Variants in EXOC2 observed in about 807,000 individuals in gnomAD.
The protein encoded by EXOC2 is exocyst complex component 2.
Under a neutral mutation model 131.8 loss-of-function variants are expected in EXOC2, and 70 were observed. The observed-to-expected ratio is 0.53, with a 90% CI of 0.44 to 0.65. The LOEUF (loss-of-function observed/expected upper bound fraction) is 0.65, where lower values mean the gene tolerates loss of function less well. Among genes scored for constraint, EXOC2 ranks in the 30% least tolerant of loss-of-function variants. The pLI, the probability that EXOC2 is intolerant of heterozygous loss-of-function variation, is 0.00. For synonymous variants in EXOC2, 411 were observed against 398.4 expected (o/e 1.03, Z -0.38); for missense variants, 923 against 1,108.6 (o/e 0.83, Z 2.38).
At chr6:646,521 G>C (rs1762585908) in intron 1 of EXOC2, among the ~76,000 whole-genome samples, 1 of 152,000 alleles carries the variant, frequency 6.6e-6, no homozygotes, top group Admixed American at 6.5e-5. Flanking sequence ...ATAATGCTTT[G>C]GTAATATTTT....
At chr6:573,905 A>C (rs1195840254) in intron 12 of EXOC2, among the ~76,000 whole-genome samples, 1 of 152,148 alleles carries the variant, frequency 6.6e-6, no homozygotes. Flanking sequence ...ATACACAAGC[A>C]AGTATAAATG....
rs181661309 is a variant in EXOC2 at position 654,599 on chromosome 6, A to G, written c.-43-16738T>C. ...AGGATTGCTTGAGGACAGAAGTTCA[A>G]AACCAGCCTGGTCAACATAGTGAGA... On this transcript the variant is annotated intron_variant, in intron 1 of 27. Transcript: ENST00000230449. Among the ~76,000 whole-genome samples the G allele has an allele frequency of 2.1e-4, 32 of 151,932 alleles. No homozygotes were observed. In the East Asian group the frequency reaches 5.8e-3, roughly 28 times the overall value.
intron 6 of EXOC2, among the ~76,000 whole-genome samples, chr6:616,664 T>C (rs1379963759): frequency 6.7e-6 from 1 of 150,224 alleles, no homozygotes; most frequent in Non-Finnish European, 1.5e-5. Context: ...TCACATACAC[T>C]GCATCACATA....
chr6:546,385 T>C (rs568240920), intron 22 of EXOC2, among the ~76,000 whole-genome samples: 6 of 152,312 alleles, frequency 3.9e-5, no homozygotes, highest in Admixed American at 3.9e-4. Context: ...TAGAAGAAGA[T>C]GATTTGGATA....
At position 632,934 on chromosome 6, in the gene EXOC2, A is replaced by G; in HGVS notation, c.295+7T>C. On this transcript the variant is annotated splice_region_variant and intron_variant, in intron 3 of 27. Coordinates refer to ENST00000230449, the MANE Select transcript of EXOC2 (RefSeq NM_018303.6). The stretch of plus-strand genomic sequence containing the variant: ...CTTCTTTAGAATAAACCCATGAAAG[A>G]CTTTACCTATTTTCTCAGGTTTGAG... 1 of 1,603,484 alleles carries G rather than the reference A, an allele frequency of 6.2e-7. No individual in the cohort carries two copies. Among genetic ancestry groups the G allele is most frequent in the Non-Finnish European group, 8.5e-7 (1 of 1,174,816 alleles).
In EXOC2 at chr6:491,201, AAGAC is replaced by A. The variant is rs749830673; in HGVS notation, c.2560-19_2560-16del. 26 of 1,614,072 alleles carry A rather than the reference AAGAC, an allele frequency of 1.6e-5. 1 individual carries two copies. In the South Asian group the frequency reaches 2.4e-4, roughly 15 times the overall value. ...TCAAGTCTCGCCTGAAAATGAGAAA[AAGAC>A]AAAGTGACAACAGGAAAATTTATAT... On this transcript the variant is annotated splice_polypyrimidine_tract_variant and intron_variant, in intron 25 of 27. Transcript: ENST00000230449.
chr6:552,147 A>G (rs1055148574), intron 21 of EXOC2, among the ~76,000 whole-genome samples: 18 of 152,170 alleles, frequency 1.2e-4, no homozygotes, highest in Non-Finnish European at 2.4e-4. Context: ...GAGATCAACC[A>G]CGTTGCTAAA....
intron 23 of EXOC2, among the ~76,000 whole-genome samples, chr6:507,352 G>A (rs1764623433): frequency 2.9e-5 from 2 of 69,502 alleles, no homozygotes; most frequent in African/African-American, 3.7e-5. Context: ...CACCACAGCA[G>A]TGACCCCACA....
intron 3 of EXOC2, among the ~76,000 whole-genome samples, chr6:630,193 A>C (rs1249006647): frequency 6.6e-6 from 1 of 152,222 alleles, no homozygotes; most frequent in Non-Finnish European, 1.5e-5. Flanking sequence ...TTATGGTTTC[A>C]TTGTACATTA....
chr6:622,513 C>G (rs1401351322), intron 4 of EXOC2, among the ~76,000 whole-genome samples: 1 of 152,096 alleles, frequency 6.6e-6, no homozygotes, highest in African/African-American at 2.4e-5. Flanking sequence ...GCGTTAAGAG[C>G]TGATGATGTG....
chr6:665,927 GAAAATA>G (rs1490877406), intron 1 of EXOC2, among the ~76,000 whole-genome samples: 2 of 151,698 alleles, frequency 1.3e-5, no homozygotes, highest in African/African-American at 2.4e-5. Context: ...ATAACTTACA[GAAAATA>G]AAAATAAAAA....
chr6:622,771 T>C lies in EXOC2; in HGVS notation c.423-3228A>G, dbSNP rs370244506. ...ACAGTTACAATGCTTAAATTGGTGG[T>C]ACTGATGGTACTGAACAATGTAAAC... On this transcript the variant is annotated intron_variant, in intron 4 of 27. Coordinates refer to ENST00000230449, the MANE Select transcript of EXOC2 (RefSeq NM_018303.6). 1.7e-4 allele frequency among the ~76,000 whole-genome samples: 26 copies of C among 152,228 alleles called. 2 individuals are homozygous for C. Among genetic ancestry groups the C allele is most frequent in the East Asian group, 1.2e-3 (6 of 5,198 alleles).
intron 22 of EXOC2, among the ~76,000 whole-genome samples, chr6:547,150 T>C (rs1454427360): frequency 6.6e-6 from 1 of 152,240 alleles, no homozygotes; most frequent in Non-Finnish European, 1.5e-5. Flanking sequence ...AAAATCATTC[T>C]AGCTTCAAAT....
chr6:644,741 A>T (rs981371666), intron 1 of EXOC2, among the ~76,000 whole-genome samples: 3 of 152,152 alleles, frequency 2.0e-5, no homozygotes, highest in Non-Finnish European at 4.4e-5. Flanking sequence ...AATTTTGAAA[A>T]TGCCATTATA....
chr6:513,124 C>T (rs531316506), intron 23 of EXOC2, among the ~76,000 whole-genome samples: 8 of 152,282 alleles, frequency 5.3e-5, no homozygotes, highest in South Asian at 2.1e-4. Flanking sequence ...TGTCTTTTGG[C>T]GGGCATAAAC....
intron 1 of EXOC2, among the ~76,000 whole-genome samples, chr6:692,732 C>T (rs1450168439): frequency 6.6e-6 from 1 of 152,258 alleles, no homozygotes; most frequent in Admixed American, 6.5e-5. Context: ...GGCCTGGAGT[C>T]AGCCCTCTGC....
chr6:580,008 C>T (rs1245863872), intron 11 of EXOC2, among the ~76,000 whole-genome samples: 2 of 151,412 alleles, frequency 1.3e-5, no homozygotes, highest in South Asian at 2.1e-4. Context: ...AAACTATACA[C>T]ATTACATAAA....
chr6:670,419 C>G (rs1441552412), intron 1 of EXOC2: 1 of 151,888 alleles, frequency 6.6e-6, no homozygotes, highest in Non-Finnish European at 1.5e-5. Context: ...AAGAAATGGA[C>G]CAATCACAGC....
chr6:653,786 G>A (rs1762936546), intron 1 of EXOC2, among the ~76,000 whole-genome samples: 1 of 152,226 alleles, frequency 6.6e-6, no homozygotes, highest in Non-Finnish European at 1.5e-5. Flanking sequence ...ATTGGAAGAA[G>A]ATGCCATCTA....
Sources: allele counts gnomAD v4.1 joint callset (sites outside exome capture counted in the v4.1 genomes callset), GRCh38; gene constraint gnomAD v4.1.1; transcripts MANE v1.5; gene names NCBI Gene and HGNC (gene_info 2026-07-23, HGNC 2026-07-21).